COMMD10: variants seen among roughly 807,000 people sequenced by gnomAD.
The protein encoded by COMMD10 is COMM domain containing 10.
A neutral mutation model predicts 28.9 loss-of-function variants in COMMD10; 33 were observed. That is an observed-to-expected ratio of 1.14 (90% confidence interval 0.87 to 1.53). The LOEUF is 1.53. COMMD10 is among the 40% of genes most tolerant of loss of function. COMMD10 has a pLI of 0.00. For synonymous variants in COMMD10, 110 were observed against 81.7 expected (o/e 1.35, Z -1.87); for missense variants, 310 against 233.4 (o/e 1.33, Z -2.14).
intron 5 of COMMD10, among the ~76,000 whole-genome samples, chr5:116,205,890 A>T (rs532220873): frequency 2.2e-4 from 34 of 152,122 alleles, no homozygotes; most frequent in Non-Finnish European, 4.4e-4. Context: ...GCTTTACATT[A>T]TTCTCAGGGT....
intron 5 of COMMD10, among the ~76,000 whole-genome samples, chr5:116,170,413 A>G (rs1029943137): frequency 2.6e-5 from 4 of 152,212 alleles, no homozygotes; most frequent in East Asian, 1.9e-4. Context: ...ATACTGCCCA[A>G]AGTAATTTGT....
At chr5:116,218,269 A>G (rs1411370317) in intron 5 of COMMD10, 2 of 736,718 alleles carry the variant, frequency 2.7e-6, no homozygotes, top group Admixed American at 1.7e-5. Context: ...CTCCTTTAGC[A>G]TCCCCTTCAG....
At chr5:116,173,030 T>G (rs1380376827) in intron 5 of COMMD10, among the ~76,000 whole-genome samples, 1 of 152,148 alleles carries the variant, frequency 6.6e-6, no homozygotes, top group African/African-American at 2.4e-5. Flanking sequence ...TTCATAATAA[T>G]GTAAATTAAC....
chr5:116,277,037 A>G (rs531539179), intron 5 of COMMD10, among the ~76,000 whole-genome samples: 5 of 151,948 alleles, frequency 3.3e-5, no homozygotes, highest in Admixed American at 6.6e-5. Flanking sequence ...TGGGACATGA[A>G]TATTTCCATA....
chr5:116,208,548 T>G (rs1748876587), intron 5 of COMMD10, among the ~76,000 whole-genome samples: 1 of 152,186 alleles, frequency 6.6e-6, no homozygotes, highest in Non-Finnish European at 1.5e-5. Flanking sequence ...TTTAAGTTCT[T>G]AGAAGGATAG....
At chr5:116,191,507 G>T (rs576049048) in intron 5 of COMMD10, among the ~76,000 whole-genome samples, 1 of 152,002 alleles carries the variant, frequency 6.6e-6, no homozygotes, top group African/African-American at 2.4e-5. Context: ...GGTGACGCCT[G>T]TGACTGCCAG....
intron 5 of COMMD10, among the ~76,000 whole-genome samples, chr5:116,214,757 A>G (rs925249931): frequency 9.2e-5 from 14 of 152,138 alleles, no homozygotes; most frequent in Non-Finnish European, 1.8e-4. Context: ...ATACATTAAC[A>G]TAGGAAATAT....
At chr5:116,270,387 C>CA (rs1160060046) in intron 5 of COMMD10, among the ~76,000 whole-genome samples, 2 of 151,462 alleles carry the variant, frequency 1.3e-5, no homozygotes, top group Non-Finnish European at 2.9e-5. Context: ...AACTTCTAGG[C>CA]AAAAAAGGTA....
chr5:116,188,425 GTTTCTT>G (rs1207710187), intron 5 of COMMD10: 3 of 148,784 alleles, frequency 2.0e-5, no homozygotes, highest in African/African-American at 7.7e-5. Flanking sequence ...TCTTTCTTGT[GTTTCTT>G]TTTAATAGTT....
intron 5 of COMMD10, among the ~76,000 whole-genome samples, chr5:116,269,816 G>T (rs1035122419): frequency 6.6e-6 from 1 of 151,680 alleles, no homozygotes; most frequent in Non-Finnish European, 1.5e-5. Flanking sequence ...AGTCTGACTT[G>T]CCAGTCTTAC....
chr5:116,139,388 C>T (rs1008806653), intron 5 of COMMD10, among the ~76,000 whole-genome samples: 3 of 119,592 alleles, frequency 2.5e-5, no homozygotes, highest in African/African-American at 9.4e-5. Context: ...TTGATGTGAG[C>T]AAATAACTGC....
At chr5:116,259,970 A>G (rs929684503) in intron 5 of COMMD10, among the ~76,000 whole-genome samples, 1 of 151,718 alleles carries the variant, frequency 6.6e-6, no homozygotes, top group African/African-American at 2.4e-5. Flanking sequence ...AACTAATCAC[A>G]TCTCCTCTGA....
In COMMD10 at chr5:116,269,469, A is replaced by G. The variant is rs183591350; in HGVS notation, c.511-22048A>G. Among the ~76,000 whole-genome samples the G allele has an allele frequency of 2.4e-4, 36 of 151,938 alleles. 1 individual carries two copies. The highest frequency in any genetic ancestry group is 1.0e-3 in the Admixed American group (16 of 15,250). On this transcript the variant is annotated intron_variant, in intron 5 of 6. Coordinates refer to ENST00000274458, the MANE Select transcript of COMMD10 (RefSeq NM_016144.4). ...TAGGTTATATTGACTTTTAGATTTCAGGTAGTAAAATAAAAAATCTTATGC... is the reference window on the plus strand; with the variant it reads ...TAGGTTATATTGACTTTTAGATTTCGGGTAGTAAAATAAAAAATCTTATGC...
intron 4 of COMMD10, among the ~76,000 whole-genome samples, chr5:116,108,883 T>C (rs1358366465): frequency 6.6e-6 from 1 of 152,086 alleles, no homozygotes; most frequent in Non-Finnish European, 1.5e-5. Context: ...AAAAGCACAG[T>C]TTCTGGGCCG....
intron 5 of COMMD10, among the ~76,000 whole-genome samples, chr5:116,266,056 GCCT>G (rs1750577545): frequency 6.6e-6 from 1 of 151,658 alleles, no homozygotes; most frequent in South Asian, 2.1e-4. Context: ...GGTGGGGAAG[GCCT>G]CCTGGAAGAA....
At chr5:116,143,700 A>G (rs957870109) in intron 5 of COMMD10, among the ~76,000 whole-genome samples, 2 of 151,902 alleles carry the variant, frequency 1.3e-5, no homozygotes, top group Non-Finnish European at 2.9e-5. Context: ...AAAAGTATTA[A>G]CAATGAATTA....
At chr5:116,242,484 A>G (rs572137604) in intron 5 of COMMD10, among the ~76,000 whole-genome samples, 11 of 152,154 alleles carry the variant, frequency 7.2e-5, no homozygotes, top group Non-Finnish European at 1.0e-4. Flanking sequence ...CATTATTATT[A>G]TCATCATCTT....
chr5:116,091,096 T>C lies in COMMD10; in HGVS notation c.150T>C (p.Ser50=). 1 of 1,609,660 alleles carries C rather than the reference T, an allele frequency of 6.2e-7. No individual in the cohort carries two copies. Among genetic ancestry groups the C allele is most frequent in the Non-Finnish European group, 8.5e-7 (1 of 1,177,302 alleles). Reference sequence around the variant, plus strand: ...TATTATAGGCTGAGAGCAGTTTCAGTGAAGAAGAGGAAGAAAAACTTCAAG... The same window carrying C: ...TATTATAGGCTGAGAGCAGTTTCAGCGAAGAAGAGGAAGAAAAACTTCAAG... ...KLHLKAESSF[S]EEEEEKLQAA... Residue 50 remains serine, a synonymous_variant, in exon 3 of 7, where the codon AGT becomes AGC. Transcript: ENST00000274458.
chr5:116,131,103 G>T (rs1487657944), intron 4 of COMMD10, among the ~76,000 whole-genome samples: 1 of 151,846 alleles, frequency 6.6e-6, no homozygotes, highest in African/African-American at 2.4e-5. Flanking sequence ...GAAAGGAGGT[G>T]CCACTAACTC....
Sources: gnomAD v4.1 joint callset for allele counts (sites outside exome capture counted in the v4.1 genomes callset) on GRCh38, gnomAD v4.1.1 for gene constraint, MANE v1.5 for transcripts, NCBI Gene and HGNC (gene_info 2026-07-23, HGNC 2026-07-21) for gene names.